ZNF710: variants seen among roughly 807,000 people sequenced by gnomAD.
ZNF710 encodes the protein zinc finger protein 710.
ZNF710 carries 13 observed loss-of-function variants against 50.6 expected under a neutral mutation model. The observed-to-expected ratio is 0.26, with a 90% confidence interval of 0.17 to 0.41. ZNF710 has a LOEUF of 0.41. ZNF710 is among the 10% of genes least tolerant of loss of function. ZNF710 has a pLI of 1.00. For synonymous variants in ZNF710, 383 were observed against 397.0 expected (o/e 0.96, Z 0.42); for missense variants, 721 against 936.6 (o/e 0.77, Z 3.01).
chr15:90,052,307 G>A (rs1006572615), intron 1 of ZNF710, among the ~76,000 whole-genome samples: 2 of 152,074 alleles, frequency 1.3e-5, no homozygotes, highest in Non-Finnish European at 2.9e-5. Flanking sequence ...TCTTCTCTTG[G>A]TCACTTTGAG....
chr15:90,048,758 C>A (rs1244438816), intron 1 of ZNF710, among the ~76,000 whole-genome samples: 1 of 152,184 alleles, frequency 6.6e-6, no homozygotes, highest in Non-Finnish European at 1.5e-5. Flanking sequence ...GAGGTAGCAT[C>A]TGTGACGAGA....
intron 1 of ZNF710, among the ~76,000 whole-genome samples, chr15:90,035,745 C>T (rs1436814596): frequency 6.6e-6 from 1 of 152,242 alleles, no homozygotes. Flanking sequence ...TTCCTGCACC[C>T]GCCTTCTAGC....
intron 1 of ZNF710, among the ~76,000 whole-genome samples, chr15:90,012,049 A>G (rs1898318793): frequency 6.6e-6 from 1 of 152,090 alleles, no homozygotes; most frequent in Non-Finnish European, 1.5e-5. Flanking sequence ...TACTAAAAAT[A>G]CAAAAATGAG....
At chr15:90,028,804 C>T (rs1323746428) in intron 1 of ZNF710, among the ~76,000 whole-genome samples, 1 of 151,998 alleles carries the variant, frequency 6.6e-6, no homozygotes, top group African/African-American at 2.4e-5. Flanking sequence ...CATGGGTGAT[C>T]GATTACGGAC....
At position 90,059,757 on chromosome 15, in the gene ZNF710, C is replaced by T. The variant is rs1369611391; in HGVS notation, c.-28-7353C>T. ...TCCAGCTCTCGCTTCCTCTTCCCTT[C>T]TGCGCATGTGAGTAGAGTTTCCCTT... On this transcript the variant is annotated intron_variant, in intron 1 of 4. Transcript: ENST00000268154. The surrounding 1 kb of genome is among the most constrained non-coding windows in gnomAD (Gnocchi z 4.1). 1.3e-5 allele frequency among the ~76,000 whole-genome samples: 2 copies of T among 152,232 alleles called. No individual in the cohort carries two copies. Among genetic ancestry groups the T allele is most frequent in the African/African-American group, 4.8e-5 (2 of 41,458 alleles).
chr15:90,061,373 C>T (rs183597945), intron 1 of ZNF710, among the ~76,000 whole-genome samples: 7 of 152,120 alleles, frequency 4.6e-5, no homozygotes, highest in Middle Eastern at 3.4e-3. Flanking sequence ...GAGCTCATCA[C>T]GTTACCCAGG....
rs531338301 is a variant in ZNF710, at chr15:90,059,479, G to C, written c.-28-7631G>C. Among the ~76,000 whole-genome samples the C allele has an allele frequency of 6.6e-6, 1 of 152,124 alleles. No homozygotes were observed. The highest frequency in any genetic ancestry group is 2.1e-4 in the South Asian group (1 of 4,818). On this transcript the variant is annotated intron_variant, in intron 1 of 4. Transcript: ENST00000268154. The surrounding 1 kb of genome is among the most constrained non-coding windows in gnomAD (Gnocchi z 4.1). ...CTGTTAACAGGGCCGGGTATGGTGC[G>C]CATCACGGGGGTTTGTGGGTTGGTG...
intron 1 of ZNF710, among the ~76,000 whole-genome samples, chr15:90,044,349 T>C (rs1029114061): frequency 6.6e-6 from 1 of 152,200 alleles, no homozygotes; most frequent in Non-Finnish European, 1.5e-5. Flanking sequence ...GCCTCCCCAC[T>C]CTGGCGGAGC....
rs1360487746 is a variant in ZNF710, at chr15:90,034,548, C to T, written c.-28-32562C>T. 6.6e-6 allele frequency among the ~76,000 whole-genome samples: 1 copy of T among 151,302 alleles called. No homozygotes were observed. The highest frequency in any genetic ancestry group is 2.1e-4 in the South Asian group (1 of 4,796). On this transcript the variant is annotated intron_variant, in intron 1 of 4. Transcript: ENST00000268154. The surrounding 1 kb of genome is among the most constrained non-coding windows in gnomAD (Gnocchi z 4.0). Reference sequence around the variant, plus strand: ...TTGTCAGGAAACAACCATCGGTTTCCTGCTGATTAACTCAGTTCCTGGAGG... The same window carrying T: ...TTGTCAGGAAACAACCATCGGTTTCTTGCTGATTAACTCAGTTCCTGGAGG...
chr15:90,018,885 T>C (rs1308212744), intron 1 of ZNF710, among the ~76,000 whole-genome samples: 1 of 114,978 alleles, frequency 8.7e-6, no homozygotes, highest in Non-Finnish European at 2.2e-5. Flanking sequence ...TGTCTAGTGG[T>C]TTTTTGTTTG....
intron 1 of ZNF710, among the ~76,000 whole-genome samples, chr15:90,008,441 C>CATATATATATATACATATATATATATAT (rs1011267136): frequency 7.9e-6 from 1 of 126,510 alleles, no homozygotes; most frequent in African/African-American, 3.8e-5. Flanking sequence ...TATATATATA[C>CATATATATATATACATATATATATATAT]ATATATATAT....
chr15:90,036,837 G>T (rs1899142541), intron 1 of ZNF710, among the ~76,000 whole-genome samples: 1 of 152,150 alleles, frequency 6.6e-6, no homozygotes, highest in African/African-American at 2.4e-5. Context: ...GGCCTTCAAG[G>T]CTCTGTCTGC....
chr15:90,032,001 G>A (rs1898962338), intron 1 of ZNF710, among the ~76,000 whole-genome samples: 1 of 152,188 alleles, frequency 6.6e-6, no homozygotes, highest in African/African-American at 2.4e-5. Context: ...TATTGACTGT[G>A]AATTTCTGTT....
chr15:90,042,627 T>C (rs10852125), intron 1 of ZNF710, among the ~76,000 whole-genome samples: 26,995 of 152,116 alleles, frequency 0.18, 3,366 homozygotes, highest in East Asian at 0.61. Context: ...CATTTCAGGT[T>C]TCGTCATGAC....
chr15:90,079,596 C>A, intron 4 of ZNF710, 64 bp from the exon 5 acceptor site: 1 of 1,581,532 alleles, frequency 6.3e-7, no homozygotes, highest in Non-Finnish European at 8.6e-7. Context: ...CAGCTTCCTG[C>A]GTGGGGGTGA....
chr15:90,034,212 G>GAA lies in ZNF710; in HGVS notation c.-29+32601_-29+32602dup, dbSNP rs1034435778. ...GACTCTGTCTCAAAAAAAAAGAAAA[G>GAA]AAAAGAAAAGAAAAGAAAACAGGTG... On this transcript the variant is annotated intron_variant, in intron 1 of 4. Coordinates refer to ENST00000268154, the MANE Select transcript of ZNF710 (RefSeq NM_198526.4). This position sits in a 1 kb window ranked among gnomAD's most constrained non-coding sequence, Gnocchi z 4.0. Among the ~76,000 whole-genome samples, 1 of 148,284 alleles carries GAA rather than the reference G, an allele frequency of 6.7e-6. No individual in the cohort carries two copies. Among genetic ancestry groups the GAA allele is most frequent in the Non-Finnish European group, 1.5e-5 (1 of 67,876 alleles).
rs148625503 is a variant in ZNF710, at chr15:90,041,472, A to G, written c.-28-25638A>G. 5.5e-3 allele frequency among the ~76,000 whole-genome samples: 832 copies of G among 152,274 alleles called. 13 individuals carry two copies. Among genetic ancestry groups the G allele is most frequent in the African/African-American group, 0.018 (761 of 41,560 alleles). ...TCTTAAAAGTGCTGGGATTATAGGT[A>G]TGAGCCACTGGGCCTGGCCACCAGT... On this transcript the variant is annotated intron_variant, in intron 1 of 4. Transcript: ENST00000268154.
At chr15:90,020,493 C>T (rs1052855977) in intron 1 of ZNF710, among the ~76,000 whole-genome samples, 13 of 151,186 alleles carry the variant, frequency 8.6e-5, no homozygotes, top group South Asian at 8.3e-4. Context: ...TCCCCGCCCC[C>T]GGGGAGACAC....
intron 1 of ZNF710, among the ~76,000 whole-genome samples, chr15:90,049,872 G>A (rs1296639889): frequency 6.6e-6 from 1 of 152,198 alleles, no homozygotes. Context: ...CTTCTTATCT[G>A]AGGCGAGCAT....
Sources: gnomAD v4.1 joint callset for allele counts (sites outside exome capture counted in the v4.1 genomes callset) on GRCh38, gnomAD v4.1.1 for gene constraint, Gnocchi (gnomAD v3.1) non-coding constraint, MANE v1.5 for transcripts, NCBI Gene and HGNC (gene_info 2026-07-23, HGNC 2026-07-21) for gene names.